SCIMP: variants seen among roughly 807,000 people sequenced by gnomAD.
SCIMP encodes the protein SLP adaptor and CSK interacting membrane protein.
Under a neutral mutation model 22.0 loss-of-function variants are expected in SCIMP, and 18 were observed. The ratio of observed to expected loss-of-function variants is 0.82; its 90% CI spans 0.56 to 1.21. SCIMP has a LOEUF of 1.21. SCIMP is among the 50% of genes most tolerant of loss of function. The probability of loss-of-function intolerance (pLI) is 0.00; values close to 1 mark genes in which losing one functional copy is unlikely to be tolerated. For synonymous variants in SCIMP, 53 were observed against 62.2 expected (o/e 0.85, Z 0.70); for missense variants, 155 against 171.2 (o/e 0.91, Z 0.53).
At chr17:5,216,464 G>A (rs541237432) in intron 3 of SCIMP, among the ~76,000 whole-genome samples, 1 of 152,184 alleles carries the variant, frequency 6.6e-6, no homozygotes, top group South Asian at 2.1e-4. Context: ...TCAGGAGATC[G>A]AGACTAGCCT....
intron 3 of SCIMP, among the ~76,000 whole-genome samples, chr17:5,216,438 C>A: frequency 6.6e-6 from 1 of 152,104 alleles, no homozygotes; most frequent in East Asian, 1.9e-4. Flanking sequence ...GAGGCCAAGG[C>A]AGGCAGATCA....
At chr17:5,226,565 G>T (rs2074650702) in intron 1 of SCIMP, among the ~76,000 whole-genome samples, 1 of 150,552 alleles carries the variant, frequency 6.6e-6, no homozygotes, top group Admixed American at 6.7e-5. Flanking sequence ...GAGTGCGATG[G>T]CGTGATCTCG....
intron 1 of SCIMP, among the ~76,000 whole-genome samples, chr17:5,232,066 A>AC (rs932816488): frequency 3.9e-5 from 6 of 152,126 alleles, no homozygotes; most frequent in South Asian, 4.2e-4. Context: ...AAAAACAAAA[A>AC]AAAAAAACTG....
At chr17:5,215,703 G>A (rs1456316401) in intron 3 of SCIMP, among the ~76,000 whole-genome samples, 1 of 152,154 alleles carries the variant, frequency 6.6e-6, no homozygotes, top group East Asian at 1.9e-4. Context: ...TTCCACTACT[G>A]GGTCTACAGA....
Position 5,210,812 on chromosome 17 carries a change from C to A in SCIMP, c.427G>T (p.Ala143Ser). The change falls in exon 5 of 5, where the codon GCA (alanine) becomes TCA (serine). Residue 143 changes from alanine (A) to serine (S), a missense_variant. Ala to Ser is a moderately conservative substitution (Grantham distance 99). Transcript: ENST00000574081. The part of the protein sequence containing the change: ...DVEIPANTEK[A>S]SF The stretch of plus-strand genomic sequence containing the variant: ...AAGAAATGGCTGTTTCAAAATGATG[C>A]TTTTTCAGTATTTGCAGGGATTTCA... 1.2e-6 allele frequency: 2 copies of A among 1,606,036 alleles called. No homozygotes were observed. The highest frequency in any genetic ancestry group is 1.7e-6 in the Non-Finnish European group (2 of 1,178,152).
rs2074519252 is a variant in SCIMP at position 5,210,577 on chromosome 17, AAGTCCT to A, written c.*218_*223del. ...TCAACAGCACAAGGCTGACCCCTCTAAGTCCTCAGAGCCGAGCACCCATGTGTCTCC... is the reference window on the plus strand; with the variant it reads ...TCAACAGCACAAGGCTGACCCCTCTACAGAGCCGAGCACCCATGTGTCTCC... On this transcript the variant is annotated 3_prime_UTR_variant, in exon 5 of 5. Coordinates refer to ENST00000574081, the MANE Select transcript of SCIMP (RefSeq NM_207103.3). 9.6e-6 allele frequency: 5 copies of A among 522,610 alleles called. No homozygotes were observed. Among genetic ancestry groups the A allele is most frequent in the Non-Finnish European group, 1.6e-5 (5 of 309,616 alleles). 32.4% of individuals were successfully genotyped at this position (522,610 alleles called of 1,614,324 possible). A position where few individuals can be genotyped will look rare whatever the true frequency, so the allele number is the denominator to read the frequency against.
intron 1 of SCIMP, among the ~76,000 whole-genome samples, chr17:5,230,870 A>C (rs2074688415): frequency 6.6e-6 from 1 of 152,138 alleles, no homozygotes; most frequent in Non-Finnish European, 1.5e-5. Flanking sequence ...ACTCTAGGAG[A>C]TTGAGGCTGC....
intron 3 of SCIMP, among the ~76,000 whole-genome samples, chr17:5,219,317 TCAA>T (rs2074588756): frequency 6.8e-6 from 1 of 146,210 alleles, no homozygotes; most frequent in Admixed American, 6.9e-5. Flanking sequence ...AGACTCTGTC[TCAA>T]CAACAACAAA....
intron 3 of SCIMP, among the ~76,000 whole-genome samples, chr17:5,220,635 T>G (rs921068552): frequency 6.6e-6 from 1 of 151,770 alleles, no homozygotes; most frequent in Non-Finnish European, 1.5e-5. Flanking sequence ...TCTCAGCTAC[T>G]TGGAAGGCTG....
At chr17:5,227,321 A>ACACACACACT (rs1250675989) in intron 1 of SCIMP, among the ~76,000 whole-genome samples, 1 of 150,046 alleles carries the variant, frequency 6.7e-6, no homozygotes, top group African/African-American at 2.5e-5. Context: ...ACACACACAC[A>ACACACACACT]CACTCTTACA....
At chr17:5,233,060 A>G (rs562271461) in intron 1 of SCIMP, among the ~76,000 whole-genome samples, 2 of 152,250 alleles carry the variant, frequency 1.3e-5, no homozygotes, top group South Asian at 2.1e-4. Flanking sequence ...CCATGTGGAT[A>G]GTCACTGGCA....
At chr17:5,219,273 C>G (rs187289176) in intron 3 of SCIMP, among the ~76,000 whole-genome samples, 49 of 151,186 alleles carry the variant, frequency 3.2e-4, no homozygotes, top group Non-Finnish European at 5.9e-4. Flanking sequence ...GAGCCGAGAT[C>G]GCGCTATTGC....
At chr17:5,228,217 G>C (rs1479208605) in intron 1 of SCIMP, among the ~76,000 whole-genome samples, 2 of 151,730 alleles carry the variant, frequency 1.3e-5, no homozygotes, top group African/African-American at 4.8e-5. Flanking sequence ...ATGGTGGCAC[G>C]CGCCTGTGGC....
rs1852273523 is a variant in SCIMP, at chr17:5,210,712, A to G, written c.*89T>C. On this transcript the variant is annotated 3_prime_UTR_variant, in exon 5 of 5. Coordinates refer to ENST00000574081, the MANE Select transcript of SCIMP (RefSeq NM_207103.3). ...ATCACCACTGGCTTTCAGGGCCCAG[A>G]GACCTACTGAAGTTCAACCATTCTT... 2.7e-6 allele frequency: 4 copies of G among 1,508,306 alleles called. No individual in the cohort carries two copies. Among genetic ancestry groups the G allele is most frequent in the Non-Finnish European group, 3.6e-6 (4 of 1,125,438 alleles). 93.4% of individuals were successfully genotyped at this position (1,508,306 alleles called of 1,614,324 possible).
At chr17:5,227,393 T>C (rs1339147411) in intron 1 of SCIMP, among the ~76,000 whole-genome samples, 2 of 151,866 alleles carry the variant, frequency 1.3e-5, no homozygotes, top group African/African-American at 4.8e-5. Flanking sequence ...AAGCTCCTCC[T>C]CAGCTACTCA....
intron 3 of SCIMP, among the ~76,000 whole-genome samples, chr17:5,216,543 A>G (rs1015199813): frequency 6.6e-6 from 1 of 151,950 alleles, no homozygotes; most frequent in African/African-American, 2.4e-5. Flanking sequence ...GCGCATGCCT[A>G]TAATCCCAGC....
chr17:5,216,713 A>G (rs1370719915), intron 3 of SCIMP, among the ~76,000 whole-genome samples: 2 of 152,148 alleles, frequency 1.3e-5, no homozygotes, highest in Non-Finnish European at 2.9e-5. Context: ...GCTAATTTAT[A>G]CTATCACAGA....
intron 1 of SCIMP, among the ~76,000 whole-genome samples, chr17:5,226,385 A>C (rs2144336555): frequency 6.6e-6 from 1 of 152,308 alleles, no homozygotes; most frequent in East Asian, 1.9e-4. Flanking sequence ...TGATGTTGTC[A>C]GAAAGTGAAA....
At position 5,210,584 on chromosome 17, in the gene SCIMP, CAG is replaced by C; in HGVS notation, c.*215_*216del. 2 of 559,400 alleles carry C rather than the reference CAG, an allele frequency of 3.6e-6. No homozygotes were observed. The highest frequency in any genetic ancestry group is 5.9e-6 in the Non-Finnish European group (2 of 337,682). The allele number at this position is 559,400 out of a possible 1,614,324, so 34.7% of individuals were successfully genotyped here. A position where few individuals can be genotyped will look rare whatever the true frequency, so the allele number is the denominator to read the frequency against. On this transcript the variant is annotated 3_prime_UTR_variant, in exon 5 of 5. Coordinates refer to ENST00000574081, the MANE Select transcript of SCIMP (RefSeq NM_207103.3). ...CACAAGGCTGACCCCTCTAAGTCCT[CAG>C]AGCCGAGCACCCATGTGTCTCCTCT... is the stretch of plus-strand genomic sequence containing the variant.
Sources: allele counts gnomAD v4.1 joint callset (sites outside exome capture counted in the v4.1 genomes callset), GRCh38; gene constraint gnomAD v4.1.1; transcripts MANE v1.5; gene names NCBI Gene and HGNC (gene_info 2026-07-23, HGNC 2026-07-21).